TRRAP: variants seen among roughly 807,000 people sequenced by gnomAD.
TRRAP encodes transformation/transcription domain-associated protein.
Under a neutral mutation model 438.8 loss-of-function variants are expected in TRRAP, and 41 were observed. The observed-to-expected ratio is 0.09, with a 90% CI of 0.07 to 0.12. TRRAP has a LOEUF of 0.12. Among genes scored for constraint, TRRAP ranks in the 10% least tolerant of loss-of-function variants. The pLI is 1.00. For missense variants in TRRAP, 3,122 were observed against 5,055.1 expected (o/e 0.62, Z 11.60); for synonymous variants, 1,994 against 1,962.9 (o/e 1.02, Z -0.42).
rs781495490 is a variant in TRRAP, at chr7:98,988,865, G to A, written c.9490G>A (p.Val3164Met). ...GGGCGACTACCTGGAGAACATCTTT[G>A]TGAAGGAGCGGCAGCTGCACCTGGG... ...MWGDYLENIF[V>M]KERQLHLGVS... The change falls in exon 63 of 73, where the codon GTG (valine) becomes ATG (methionine). Residue 3164 changes from valine (V) to methionine (M), a missense_variant. Val to Met is a conservative substitution (Grantham distance 21). Coordinates refer to ENST00000456197, the MANE Select transcript of TRRAP (RefSeq NM_001375524.1). 1 of 1,614,186 alleles carries A rather than the reference G, an allele frequency of 6.2e-7. No homozygotes were observed. Among genetic ancestry groups the A allele is most frequent in the Non-Finnish European group, 8.5e-7 (1 of 1,180,026 alleles).
intron 43 of TRRAP, among the ~76,000 whole-genome samples, chr7:98,957,006 C>A (rs1246494401): frequency 6.6e-6 from 1 of 152,140 alleles, no homozygotes; most frequent in South Asian, 2.1e-4. Context: ...GGCCACCCTA[C>A]TTCTGGCTTC....
chr7:98,898,527 A>C (rs568525695), intron 8 of TRRAP, among the ~76,000 whole-genome samples: 3 of 152,356 alleles, frequency 2.0e-5, no homozygotes, highest in South Asian at 4.1e-4. Context: ...AGGATGAACA[A>C]GAAACTTTGA....
chr7:98,953,113 G>C, intron 39 of TRRAP, 54 bp from the exon 40 acceptor site: 1 of 1,575,562 alleles, frequency 6.3e-7, no homozygotes. Context: ...ATGACCCTCA[G>C]TCAGTAACCC....
At chr7:98,952,428 A>T (rs1791384983) in intron 39 of TRRAP, among the ~76,000 whole-genome samples, 1 of 152,136 alleles carries the variant, frequency 6.6e-6, no homozygotes, top group Non-Finnish European at 1.5e-5. Context: ...CTCAGTCCTA[A>T]ATCACCTCGA....
At position 98,948,975 on chromosome 7, in the gene TRRAP, G is replaced by A. The variant is rs1212032135; in HGVS notation, c.4788+290G>A. Among the ~76,000 whole-genome samples, 9 of 152,240 alleles carry A rather than the reference G, an allele frequency of 5.9e-5. No homozygotes were observed. Among genetic ancestry groups the A allele is most frequent in the African/African-American group, 2.2e-4 (9 of 41,470 alleles). ...AAGTATTTTCTAAGGGCCCACACCT[G>A]TAATCCCAGCACTTCGGGAAACTGA... On this transcript the variant is annotated intron_variant, in intron 35 of 72. Transcript: ENST00000456197. The surrounding 1 kb of genome is among the most constrained non-coding windows in gnomAD (Gnocchi z 4.9).
chr7:98,982,102 G>C, intron 59 of TRRAP, 142 bp downstream of exon 59: 1 of 823,424 alleles, frequency 1.2e-6, no homozygotes. Context: ...ACTTATACGC[G>C]TCCTCAGGAA....
chr7:99,008,290 C>T, intron 69 of TRRAP, 87 bp from the exon 70 acceptor site: 1 of 1,418,558 alleles, frequency 7.0e-7, no homozygotes, highest in Non-Finnish European at 9.8e-7. Context: ...CGGGTCAGCT[C>T]TGCTCCCAGT....
At chr7:98,965,049 G>T (rs1055687796) in intron 48 of TRRAP, among the ~76,000 whole-genome samples, 1 of 152,228 alleles carries the variant, frequency 6.6e-6, no homozygotes, top group African/African-American at 2.4e-5. Flanking sequence ...CCCAGAGTTG[G>T]AGGCTGCTGT....
intron 62 of TRRAP, among the ~76,000 whole-genome samples, chr7:98,986,568 G>A (rs992422918): frequency 2.0e-5 from 3 of 152,094 alleles, no homozygotes; most frequent in Admixed American, 6.5e-5. Flanking sequence ...GGTTTTGATT[G>A]TTAGTTTGTA....
rs781857479 is a variant in TRRAP, at chr7:98,927,349, C to G, written c.3158C>G (p.Ala1053Gly). Residue 1053 changes from alanine (A) to glycine (G), a missense_variant, in exon 23 of 73, where the codon GCA becomes GGA. Transcript: ENST00000456197. ...ASLIRHYTMVAVAQQCGPFLL... is the reference protein window; with the variant it reads ...ASLIRHYTMVGVAQQCGPFLL... ...TTGATCCGCCACTATACGATGGTGG[C>G]AGTCGCCCAGCAGTGTGGTGAGCAC... 2 of 1,614,210 alleles carry G rather than the reference C, an allele frequency of 1.2e-6. No individual in the cohort carries two copies. Among genetic ancestry groups the G allele is most frequent in the South Asian group, 2.2e-5 (2 of 91,080 alleles).
intron 30 of TRRAP, among the ~76,000 whole-genome samples, chr7:98,941,540 T>A: frequency 6.6e-6 from 1 of 152,214 alleles, no homozygotes; most frequent in Admixed American, 6.5e-5. Flanking sequence ...TAGTGTCATT[T>A]TATTCCTTTG....
Position 98,909,677 on chromosome 7 carries a change from C to T in TRRAP, c.1351-379C>T, listed in dbSNP as rs529329394. On this transcript the variant is annotated intron_variant, in intron 14 of 72. Transcript: ENST00000456197. ...GGGTGGTGGCGGGGCCCTGTTGGGA[C>T]GAGGCCTGTAGTCCTGGATGAAATC... 3.3e-5 allele frequency among the ~76,000 whole-genome samples: 5 copies of T among 152,226 alleles called. No homozygotes were observed. In the East Asian group the frequency reaches 7.7e-4, roughly 24 times the overall value.
intron 2 of TRRAP, 105 bp downstream of exon 2, chr7:98,881,355 C>T: frequency 9.8e-7 from 1 of 1,019,246 alleles, no homozygotes; most frequent in Non-Finnish European, 1.4e-6. Context: ...GGTGGATCAC[C>T]TGATGTCAGG....
chr7:98,889,363 T>C (rs1053401719), intron 3 of TRRAP, among the ~76,000 whole-genome samples: 17 of 152,160 alleles, frequency 1.1e-4, no homozygotes, highest in Non-Finnish European at 2.9e-5. Context: ...TAGGCAGTGT[T>C]AGAAACTTCA....
At chr7:98,977,149 C>T in intron 56 of TRRAP, 73 bp downstream of exon 56, 2 of 1,592,768 alleles carry the variant, frequency 1.3e-6, no homozygotes, top group Non-Finnish European at 1.7e-6. Context: ...AATAAAATGT[C>T]CTCAAGTCGG....
intron 21 of TRRAP, among the ~76,000 whole-genome samples, chr7:98,922,461 G>C (rs999431302): frequency 6.6e-6 from 1 of 152,142 alleles, no homozygotes; most frequent in Admixed American, 6.5e-5. Flanking sequence ...TGTCCTGCCT[G>C]CTGCCTTTGC....
At chr7:98,878,850 G>C (rs1175353856) in intron 1 of TRRAP, among the ~76,000 whole-genome samples, 1 of 152,148 alleles carries the variant, frequency 6.6e-6, no homozygotes, top group Non-Finnish European at 1.5e-5. Context: ...GAGGCGCAGC[G>C]CTCGCGGGCG....
chr7:98,890,332 T>G lies in TRRAP; in HGVS notation c.151-3T>G. ...ATGGGGTCTTTTATTTTTGCACAAT[T>G]AGAATGTCACGTCATCTCCTCAGTA... On this transcript the variant is annotated splice_region_variant and splice_polypyrimidine_tract_variant and intron_variant, in intron 3 of 72. Transcript: ENST00000456197. 6.5e-7 allele frequency: 1 copy of G among 1,536,002 alleles called. No homozygotes were observed. Among genetic ancestry groups the G allele is most frequent in the Non-Finnish European group, 8.7e-7 (1 of 1,144,460 alleles).
At chr7:98,965,618 G>C (rs1792119286) in intron 48 of TRRAP, 78 bp from the exon 49 acceptor site, 1 of 1,590,608 alleles carries the variant, frequency 6.3e-7, no homozygotes, top group Non-Finnish European at 8.6e-7. Context: ...AACCCAGCAT[G>C]CCAGGCAAGG....
Sources: gnomAD v4.1 joint callset for allele counts (sites outside exome capture counted in the v4.1 genomes callset) on GRCh38, gnomAD v4.1.1 for gene constraint, Gnocchi (gnomAD v3.1) non-coding constraint, MANE v1.5 for transcripts, NCBI Gene and HGNC (gene_info 2026-07-23, HGNC 2026-07-21) for gene names.